ECT2L: variants seen among roughly 807,000 people sequenced by gnomAD.
ECT2L encodes the protein epithelial cell-transforming sequence 2 oncogene-like.
ECT2L carries 126 observed loss-of-function variants against 122.8 expected under a neutral mutation model. The observed-to-expected ratio is 1.03, with a 90% CI of 0.89 to 1.19. ECT2L has a LOEUF of 1.19. ECT2L is among the 50% of genes most tolerant of loss of function. The probability of loss-of-function intolerance (pLI) is 0.00; values close to 1 mark genes in which losing one functional copy is unlikely to be tolerated. For synonymous variants in ECT2L, 385 were observed against 381.8 expected (o/e 1.01, Z -0.10); for missense variants, 1,012 against 1,064.1 (o/e 0.95, Z 0.68).
In ECT2L at chr6:138,850,994, CAAAAAAAAAAAAA is replaced by C. The variant is rs34453938; in HGVS notation, c.1069+1577_1069+1589del. 5.3e-3 allele frequency among the ~76,000 whole-genome samples: 305 copies of C among 57,792 alleles called. 1 individual carries two copies. Among genetic ancestry groups the C allele is most frequent in the African/African-American group, 0.018 (277 of 15,616 alleles). The allele number at this position is 57,792 out of a possible 152,430, so 37.9% of individuals were successfully genotyped here. On this transcript the variant is annotated intron_variant, in intron 9 of 21. Transcript: ENST00000541398. ...GGGCAATAAGAGCGAAACTCCATCT[CAAAAAAAAAAAAA>C]AAAAAAAAAAAAAAAAGAGAAAGAG...
chr6:138,864,235 T>C (rs1199169475), intron 11 of ECT2L, among the ~76,000 whole-genome samples: 7 of 151,948 alleles, frequency 4.6e-5, no homozygotes, highest in Admixed American at 4.6e-4. Context: ...GGCACGAGAA[T>C]TGCCTGAACC....
At chr6:138,847,354 A>AATTT (rs1562471985) in intron 8 of ECT2L, among the ~76,000 whole-genome samples, 1 of 111,016 alleles carries the variant, frequency 9.0e-6, no homozygotes, top group African/African-American at 4.0e-5. Flanking sequence ...AAAGGCCCAA[A>AATTT]CTTTTTTTTT....
chr6:138,892,657 C>T (rs980886770), intron 20 of ECT2L, among the ~76,000 whole-genome samples: 1 of 152,106 alleles, frequency 6.6e-6, no homozygotes, highest in African/African-American at 2.4e-5. Flanking sequence ...CCACGTCTGG[C>T]TAATTTTTGT....
intron 4 of ECT2L, chr6:138,822,882 G>A (rs772306805): frequency 6.2e-6 from 10 of 1,613,812 alleles, no homozygotes; most frequent in Admixed American, 1.7e-5. Context: ...TTTCCTCCCT[G>A]TATTCCTCAC....
intron 20 of ECT2L, among the ~76,000 whole-genome samples, chr6:138,896,255 C>CT (rs1030022497): frequency 6.6e-6 from 1 of 152,064 alleles, no homozygotes; most frequent in East Asian, 1.9e-4. Flanking sequence ...TTTAAGCATG[C>CT]TTTTTTTCTT....
At chr6:138,881,934 G>A (rs964736241) in intron 15 of ECT2L, among the ~76,000 whole-genome samples, 1 of 152,106 alleles carries the variant, frequency 6.6e-6, no homozygotes, top group African/African-American at 2.4e-5. Flanking sequence ...AACCCTTGCT[G>A]TAACCAATAG....
chr6:138,842,954 A>G, intron 5 of ECT2L, 25 bp from the exon 6 acceptor site: 1 of 1,446,566 alleles, frequency 6.9e-7, no homozygotes, highest in Non-Finnish European at 9.2e-7. Flanking sequence ...ACAATTTGTG[A>G]CTCATCTTCC....
At chr6:138,880,405 T>C (rs1481424950) in intron 14 of ECT2L, among the ~76,000 whole-genome samples, 2 of 152,202 alleles carry the variant, frequency 1.3e-5, no homozygotes, top group East Asian at 1.9e-4. Context: ...GACCCAGCCA[T>C]GTTTTCATGA....
chr6:138,811,007 A>G (rs1362516588), intron 1 of ECT2L, among the ~76,000 whole-genome samples: 3 of 152,202 alleles, frequency 2.0e-5, no homozygotes, highest in African/African-American at 7.2e-5. Flanking sequence ...TTGTATTACT[A>G]TGCATGCTGT....
At chr6:138,802,950 C>T (rs1562447994) in intron 1 of ECT2L, among the ~76,000 whole-genome samples, 1 of 151,906 alleles carries the variant, frequency 6.6e-6, no homozygotes, top group Non-Finnish European at 1.5e-5. Flanking sequence ...GTGGTGTGCA[C>T]CTGTAATCCC....
At chr6:138,808,585 T>C (rs920941355) in intron 1 of ECT2L, among the ~76,000 whole-genome samples, 20 of 152,182 alleles carry the variant, frequency 1.3e-4, no homozygotes, top group African/African-American at 4.6e-4. Flanking sequence ...AACAATTGAT[T>C]TCTGTACGTA....
chr6:138,796,792 G>A (rs1775360813), intron 1 of ECT2L, among the ~76,000 whole-genome samples: 1 of 152,200 alleles, frequency 6.6e-6, no homozygotes, highest in Non-Finnish European at 1.5e-5. Flanking sequence ...ATATGTATCA[G>A]AACACAATAT....
intron 8 of ECT2L, among the ~76,000 whole-genome samples, chr6:138,848,267 A>T (rs1003960915): frequency 6.6e-6 from 1 of 152,170 alleles, no homozygotes; most frequent in Admixed American, 6.5e-5. Context: ...GTTGCATTTA[A>T]TCCAAAAAAG....
rs1417714898 is a variant in ECT2L at position 138,843,745 on chromosome 6, G to A, written c.595+514G>A. ...GTCTCACTGTCACCCAGGCTGTGCA[G>A]TAGTATGATCTCTGGCTCACTGCAG... is the stretch of plus-strand genomic sequence containing the variant. On this transcript the variant is annotated intron_variant, in intron 6 of 21. Coordinates refer to ENST00000541398, the MANE Select transcript of ECT2L (RefSeq NM_001077706.3). Among the ~76,000 whole-genome samples, 3 of 152,126 alleles carry A rather than the reference G, an allele frequency of 2.0e-5. No homozygotes were observed. The East Asian group carries it at 5.8e-4, about 29-fold the overall frequency.
intron 8 of ECT2L, among the ~76,000 whole-genome samples, chr6:138,847,594 G>A (rs973813362): frequency 6.8e-6 from 1 of 147,796 alleles, no homozygotes; most frequent in Non-Finnish European, 1.5e-5. Context: ...AGCCAGGATG[G>A]TCTCGATCTC....
chr6:138,815,497 C>T (rs1028094881), intron 4 of ECT2L, among the ~76,000 whole-genome samples: 7 of 152,102 alleles, frequency 4.6e-5, no homozygotes, highest in African/African-American at 1.7e-4. Context: ...GATAAAAAGC[C>T]TTATGTTAGT....
intron 4 of ECT2L, among the ~76,000 whole-genome samples, chr6:138,821,798 A>C (rs775891985): frequency 2.6e-5 from 4 of 152,256 alleles, no homozygotes; most frequent in Non-Finnish European, 5.9e-5. Flanking sequence ...AGTAGAATAA[A>C]ACTAAAATAG....
intron 20 of ECT2L, among the ~76,000 whole-genome samples, chr6:138,891,622 T>A (rs536302210): frequency 1.3e-5 from 2 of 152,338 alleles, no homozygotes; most frequent in African/African-American, 4.8e-5. Context: ...TAATTCAAGC[T>A]GTCCCATCTT....
At chr6:138,809,086 C>A (rs1775806798) in intron 1 of ECT2L, among the ~76,000 whole-genome samples, 1 of 152,106 alleles carries the variant, frequency 6.6e-6, no homozygotes, top group African/African-American at 2.4e-5. Context: ...GTTGGAAAGA[C>A]CCTCCAGAAC....
Sources: gnomAD v4.1 joint callset for allele counts (sites outside exome capture counted in the v4.1 genomes callset) on GRCh38, gnomAD v4.1.1 for gene constraint, MANE v1.5 for transcripts, NCBI Gene and HGNC (gene_info 2026-07-23, HGNC 2026-07-21) for gene names.